The following SYT17 variants were observed in gnomAD, a reference collection of about 807,000 sequenced individuals.
SYT17 encodes synaptotagmin-17.
A neutral mutation model predicts 46.7 loss-of-function variants in SYT17; 22 were observed. The ratio of observed to expected loss-of-function variants is 0.47; its 90% CI spans 0.34 to 0.67. The LOEUF is 0.67. Among genes scored for constraint, SYT17 ranks in the 30% least tolerant of loss-of-function variants. SYT17 has a pLI of 0.01. For synonymous variants in SYT17, 251 were observed against 248.4 expected (o/e 1.01, Z -0.10); for missense variants, 519 against 612.8 (o/e 0.85, Z 1.62).
chr16:19,168,578 G>A lies in SYT17; in HGVS notation c.-69G>A. On this transcript the variant is annotated 5_prime_UTR_variant, in exon 1 of 8. Transcript: ENST00000355377. This position sits in a 1 kb window ranked among gnomAD's most constrained non-coding sequence, Gnocchi z 6.9. ...TCCCCCTTTGCTTTCTTCCCCCTCCGCTGTTGGCGAGGGCAAAGTGGCCGT... is the reference window on the plus strand; with the variant it reads ...TCCCCCTTTGCTTTCTTCCCCCTCCACTGTTGGCGAGGGCAAAGTGGCCGT... 2.6e-6 allele frequency: 4 copies of A among 1,540,776 alleles called. No individual in the cohort carries two copies. Among genetic ancestry groups the A allele is most frequent in the South Asian group, 2.4e-5 (2 of 83,738 alleles).
At chr16:19,172,693 G>A (rs1964146868) in intron 1 of SYT17, 67 bp from the exon 2 acceptor site, 1 of 1,580,876 alleles carries the variant, frequency 6.3e-7, no homozygotes, top group African/African-American at 1.5e-5. Context: ...AACTGGTCTT[G>A]TCTCTCTTTC....
intron 3 of SYT17, among the ~76,000 whole-genome samples, chr16:19,177,029 T>C (rs1964340999): frequency 6.6e-6 from 1 of 152,164 alleles, no homozygotes; most frequent in Non-Finnish European, 1.5e-5. Flanking sequence ...GCCAGGTACC[T>C]GTTTGCCCCC....
chr16:19,189,470 G>A (rs1242536078), intron 5 of SYT17, among the ~76,000 whole-genome samples: 2 of 151,804 alleles, frequency 1.3e-5, no homozygotes, highest in African/African-American at 4.8e-5. Context: ...CCTTTCAAGT[G>A]GCTGGGACCA....
intron 7 of SYT17, among the ~76,000 whole-genome samples, chr16:19,226,947 G>A (rs144516699): frequency 3.3e-5 from 5 of 152,280 alleles, no homozygotes; most frequent in African/African-American, 1.2e-4. Flanking sequence ...GATGTGTAAG[G>A]ACAGAGAATC....
chr16:19,223,202 T>C (rs1296852968), intron 6 of SYT17, 37 bp downstream of exon 6: 5 of 1,604,866 alleles, frequency 3.1e-6, no homozygotes, highest in Non-Finnish European at 4.3e-6. Flanking sequence ...ACTTTATTAA[T>C]GGGGCATCTG....
Position 19,262,121 on chromosome 16 carries a change from TGGTTACA to T in SYT17, c.1229-4757_1229-4751del, listed in dbSNP as rs565540151. On this transcript the variant is annotated intron_variant, in intron 7 of 7. Transcript: ENST00000355377. ...GAACTTGGAAAAACTGTTATTCTCA[TGGTTACA>T]GTTTATTACAGAAAAAGCATACAGA... Among the ~76,000 whole-genome samples, 245 of 152,328 alleles carry T rather than the reference TGGTTACA, an allele frequency of 1.6e-3. 2 individuals carry two copies. Among genetic ancestry groups the T allele is most frequent in the African/African-American group, 5.1e-3 (214 of 41,572 alleles).
intron 7 of SYT17, among the ~76,000 whole-genome samples, chr16:19,258,718 G>T (rs1291864061): frequency 6.6e-6 from 1 of 152,140 alleles, no homozygotes; most frequent in Non-Finnish European, 1.5e-5. Context: ...GAGATGATAG[G>T]AGCTACCAAG....
chr16:19,211,585 G>A (rs1965902855), intron 5 of SYT17: 1 of 647,798 alleles, frequency 1.5e-6, no homozygotes, highest in South Asian at 1.7e-5. Flanking sequence ...GATTCCCAGG[G>A]AATAGCAAGT....
At chr16:19,251,363 A>C (rs1256132275) in intron 7 of SYT17, among the ~76,000 whole-genome samples, 1 of 152,204 alleles carries the variant, frequency 6.6e-6, no homozygotes, top group Non-Finnish European at 1.5e-5. Context: ...ATTAACCCAC[A>C]GTATAGGTTA....
intron 7 of SYT17, among the ~76,000 whole-genome samples, chr16:19,228,062 G>A (rs935826621): frequency 6.6e-6 from 1 of 151,620 alleles, no homozygotes; most frequent in Non-Finnish European, 1.5e-5. Context: ...GGGGTGGGGG[G>A]GTATGACAGA....
At position 19,249,310 on chromosome 16, in the gene SYT17, G is replaced by A. The variant is rs377385872; in HGVS notation, c.1229-17570G>A. On this transcript the variant is annotated intron_variant, in intron 7 of 7. Transcript: ENST00000355377. ...AATAAATAAATAAATAAATAAATAA[G>A]TAAATAAACTATGGTGGAAGAAAGC... 5.2e-4 allele frequency among the ~76,000 whole-genome samples: 37 copies of A among 71,034 alleles called. No individual in the cohort carries two copies. The East Asian group carries it at 0.011, about 21-fold the overall frequency. The allele number at this position is 71,034 out of a possible 152,430, so 46.6% of individuals were successfully genotyped here.
At chr16:19,194,410 A>G (rs898131523) in intron 5 of SYT17, among the ~76,000 whole-genome samples, 1 of 152,226 alleles carries the variant, frequency 6.6e-6, no homozygotes. Flanking sequence ...TGTGTCCCAG[A>G]TGTTGCTGGC....
Position 19,189,012 on chromosome 16 carries a change from G to A in SYT17, c.951+4865G>A, listed in dbSNP as rs547030557. On this transcript the variant is annotated intron_variant, in intron 5 of 7. Coordinates refer to ENST00000355377, the MANE Select transcript of SYT17 (RefSeq NM_016524.4). The stretch of plus-strand genomic sequence containing the variant: ...CGCCATTCTCCTGGCTCAGCCTCCC[G>A]AGTTGCTGGGACTACAGGCGCCCAC... 3.2e-3 allele frequency among the ~76,000 whole-genome samples: 489 copies of A among 152,032 alleles called. 3 individuals carry two copies. The highest frequency in any genetic ancestry group is 2.5e-3 in the Non-Finnish European group (173 of 67,980).
rs76885397 is a variant in SYT17 at position 19,243,381 on chromosome 16, T to G, written c.1228+18543T>G. On this transcript the variant is annotated intron_variant, in intron 7 of 7. Coordinates refer to ENST00000355377, the MANE Select transcript of SYT17 (RefSeq NM_016524.4). ...GCTTTGGGATCTTATTCTGCTTAAT[T>G]GTATTTGGGCTGGAGAAGCAGAGGG... Among the ~76,000 whole-genome samples, 579 of 152,276 alleles carry G rather than the reference T, an allele frequency of 3.8e-3. 1 individual carries two copies. Among genetic ancestry groups the G allele is most frequent in the African/African-American group, 0.014 (563 of 41,544 alleles).
In SYT17 at chr16:19,234,411, A is replaced by T. The variant is rs530839950; in HGVS notation, c.1228+9573A>T. 1.3e-4 allele frequency among the ~76,000 whole-genome samples: 20 copies of T among 152,128 alleles called. No homozygotes were observed. In the Middle Eastern group the frequency reaches 0.014, roughly 103 times the overall value. Reference sequence around the variant, plus strand: ...GCAAACTATTCTTTTGATGGATCTCAGGTTTCTTCTCTGTTATGAGCTTCC... The same window carrying T: ...GCAAACTATTCTTTTGATGGATCTCTGGTTTCTTCTCTGTTATGAGCTTCC... On this transcript the variant is annotated intron_variant, in intron 7 of 7. Transcript: ENST00000355377.
At chr16:19,265,006 A>C (rs920436502) in intron 7 of SYT17, among the ~76,000 whole-genome samples, 3 of 152,082 alleles carry the variant, frequency 2.0e-5, no homozygotes, top group African/African-American at 7.2e-5. Flanking sequence ...AAGATAGAAC[A>C]TTTTGCCCCC....
rs776111036 is a variant in SYT17, at chr16:19,173,564, G to C, written c.168G>C (p.Gln56His). The change falls in exon 3 of 8, where the codon CAG becomes CAC. Residue 56 changes from glutamine to histidine, a missense_variant. Transcript: ENST00000355377. The part of the protein sequence containing the change: ...EVEILGPFPA[Q>H]TPPWLMASRS... ...AAATTCTGGGACCTTTCCCTGCTCA[G>C]ACCCCTCCCTGGCTGTAAGTAAAAC... The C allele has an allele frequency of 1.2e-6, 2 of 1,613,994 alleles. No individual in the cohort carries two copies. The highest frequency in any genetic ancestry group is 1.1e-5 in the South Asian group (1 of 91,070).
intron 4 of SYT17, among the ~76,000 whole-genome samples, chr16:19,181,993 C>G (rs1272693568): frequency 8.2e-6 from 1 of 122,312 alleles, no homozygotes; most frequent in East Asian, 2.3e-4. Context: ...AAATGAAACT[C>G]TGTCTCAAAA....
chr16:19,174,750 C>T (rs1035740216), intron 3 of SYT17, among the ~76,000 whole-genome samples: 3 of 147,288 alleles, frequency 2.0e-5, no homozygotes, highest in African/African-American at 4.9e-5. Flanking sequence ...TCAGAGTTGT[C>T]GAAGGGAGTC....
Sources: gnomAD v4.1 joint callset for allele counts (sites outside exome capture counted in the v4.1 genomes callset) on GRCh38, gnomAD v4.1.1 for gene constraint, Gnocchi (gnomAD v3.1) non-coding constraint, MANE v1.5 for transcripts, NCBI Gene and HGNC (gene_info 2026-07-23, HGNC 2026-07-21) for gene names.